Variants in SH3GL2 observed in about 807,000 individuals in gnomAD.
SH3GL2 encodes the protein SH3 domain containing GRB2 like 2, endophilin A1, also known as endophilin-A1.
In SH3GL2, 24 loss-of-function variants were observed where a neutral mutation model predicts 46.0. That is an observed-to-expected ratio of 0.52 (90% CI 0.38 to 0.73). SH3GL2 has a LOEUF of 0.73. SH3GL2 is among the 30% of genes least tolerant of loss of function. The pLI, the probability that SH3GL2 is intolerant of heterozygous loss-of-function variation, is 0.00. For missense variants in SH3GL2, 413 were observed against 424.2 expected (o/e 0.97, Z 0.23); for synonymous variants, 196 against 147.1 (o/e 1.33, Z -2.40).
intron 5 of SH3GL2, among the ~76,000 whole-genome samples, chr9:17,789,119 G>A (rs1027125601): frequency 6.6e-6 from 1 of 152,138 alleles, no homozygotes; most frequent in Non-Finnish European, 1.5e-5. Context: ...AGTCCAGCTT[G>A]GCTTTGGCCT....
chr9:17,756,206 A>G (rs1191184613), intron 2 of SH3GL2, among the ~76,000 whole-genome samples: 2 of 152,156 alleles, frequency 1.3e-5, no homozygotes, highest in Non-Finnish European at 2.9e-5. Context: ...GCAGTAAAAT[A>G]GTAGTCTCAT....
chr9:17,656,718 C>T (rs766964082), intron 1 of SH3GL2, among the ~76,000 whole-genome samples: 3 of 133,128 alleles, frequency 2.3e-5, no homozygotes, highest in Non-Finnish European at 4.6e-5. Context: ...TGTAGTGAGC[C>T]GAGTTAGTGC....
chr9:17,749,907 T>C (rs966149939), intron 2 of SH3GL2, among the ~76,000 whole-genome samples: 4 of 152,344 alleles, frequency 2.6e-5, no homozygotes, highest in East Asian at 1.9e-4. Context: ...TTTCAAAATA[T>C]AGATACTCCT....
intron 1 of SH3GL2, among the ~76,000 whole-genome samples, chr9:17,707,003 G>T (rs984512819): frequency 1.3e-5 from 2 of 151,974 alleles, no homozygotes; most frequent in Admixed American, 1.3e-4. Flanking sequence ...ATATGCACTT[G>T]ACATATAAAG....
At chr9:17,668,889 C>T (rs1820406026) in intron 1 of SH3GL2, among the ~76,000 whole-genome samples, 1 of 152,136 alleles carries the variant, frequency 6.6e-6, no homozygotes. Context: ...AACTCCTGGG[C>T]TCAAGCAGTA....
chr9:17,688,448 A>G (rs976304529), intron 1 of SH3GL2, among the ~76,000 whole-genome samples: 2 of 152,076 alleles, frequency 1.3e-5, no homozygotes. Context: ...TATAAGCAGG[A>G]GAAGACAAAC....
At chr9:17,772,142 C>A (rs1028321144) in intron 3 of SH3GL2, among the ~76,000 whole-genome samples, 2 of 152,050 alleles carry the variant, frequency 1.3e-5, no homozygotes, top group Non-Finnish European at 2.9e-5. Context: ...CCATAATATG[C>A]AATAATCACA....
intron 1 of SH3GL2, among the ~76,000 whole-genome samples, chr9:17,697,705 C>T (rs555502175): frequency 1.3e-5 from 2 of 152,268 alleles, no homozygotes; most frequent in African/African-American, 2.4e-5. Context: ...CATTGCCCCC[C>T]GAATAGCCTT....
At chr9:17,761,408 C>T (rs1823169206) in intron 2 of SH3GL2, 29 bp from the exon 3 acceptor site, 1 of 1,443,784 alleles carries the variant, frequency 6.9e-7, no homozygotes, top group Non-Finnish European at 9.8e-7. Flanking sequence ...TCATTTTTGT[C>T]ATTTAGAGCA....
intron 1 of SH3GL2, among the ~76,000 whole-genome samples, chr9:17,717,810 AT>A (rs11362217): frequency 0.57 from 87,041 of 151,896 alleles, 26,483 homozygotes; most frequent in African/African-American, 0.77. Flanking sequence ...GTTTGATATT[AT>A]TTAGTAGTAG....
intron 1 of SH3GL2, among the ~76,000 whole-genome samples, chr9:17,728,427 A>G (rs1162926634): frequency 1.3e-5 from 2 of 151,884 alleles, no homozygotes; most frequent in Non-Finnish European, 2.9e-5. Context: ...CTACTTACAG[A>G]TACTCTTCTG....
At chr9:17,629,979 G>A (rs138561320) in intron 1 of SH3GL2, among the ~76,000 whole-genome samples, 87 of 152,250 alleles carry the variant, frequency 5.7e-4, no homozygotes, top group African/African-American at 1.8e-3. Flanking sequence ...AAAGTGGCAC[G>A]TTTCTGGTTA....
chr9:17,763,824 G>T (rs1310385921), intron 3 of SH3GL2, among the ~76,000 whole-genome samples: 1 of 152,118 alleles, frequency 6.6e-6, no homozygotes, highest in African/African-American at 2.4e-5. Context: ...ACTCAGGTCT[G>T]ACTACCTCCT....
At chr9:17,582,968 G>A (rs1374185819) in intron 1 of SH3GL2, among the ~76,000 whole-genome samples, 1 of 152,148 alleles carries the variant, frequency 6.6e-6, no homozygotes, top group Non-Finnish European at 1.5e-5. Flanking sequence ...ATAGGATTGG[G>A]CAAGCCCATC....
At chr9:17,608,295 C>CCTT (rs1277550717) in intron 1 of SH3GL2, among the ~76,000 whole-genome samples, 7 of 151,878 alleles carry the variant, frequency 4.6e-5, no homozygotes, top group Non-Finnish European at 1.0e-4. Flanking sequence ...CTACAGGCGC[C>CCTT]CACCACCACA....
At chr9:17,605,040 A>T (rs1818738772) in intron 1 of SH3GL2, among the ~76,000 whole-genome samples, 1 of 149,348 alleles carries the variant, frequency 6.7e-6, no homozygotes, top group African/African-American at 2.5e-5. Context: ...GGGGACAGTC[A>T]TGGCTCACTG....
chr9:17,618,716 C>G (rs1296199679), intron 1 of SH3GL2, among the ~76,000 whole-genome samples: 1 of 152,088 alleles, frequency 6.6e-6, no homozygotes, highest in Non-Finnish European at 1.5e-5. Flanking sequence ...CTTGGAAACA[C>G]TTTGGTCCCC....
chr9:17,715,681 T>C (rs1821736329), intron 1 of SH3GL2, among the ~76,000 whole-genome samples: 1 of 151,966 alleles, frequency 6.6e-6, no homozygotes, highest in Admixed American at 6.6e-5. Flanking sequence ...TATGTGTATA[T>C]ATAAGCAGCT....
chr9:17,738,641 T>TATATATAGAGAG lies in SH3GL2; in HGVS notation c.46-8424_46-8423insTATATAGAGAGA, dbSNP rs376280314. On this transcript the variant is annotated intron_variant, in intron 1 of 8. Transcript: ENST00000380607. The stretch of plus-strand genomic sequence containing the variant: ...TCATGTGATTTTATATATATATATA[T>TATATATAGAGAG]AGAGAGAGAGAGAGAGAGAGAGAGA... Among the ~76,000 whole-genome samples, 875 of 88,836 alleles carry TATATATAGAGAG rather than the reference T, an allele frequency of 9.8e-3. 30 individuals carry two copies. The highest frequency in any genetic ancestry group is 0.02 in the East Asian group (50 of 2,450). 58.3% of individuals were successfully genotyped at this position (88,836 alleles called of 152,430 possible).
Sources: allele counts gnomAD v4.1 joint callset (sites outside exome capture counted in the v4.1 genomes callset), GRCh38; gene constraint gnomAD v4.1.1; transcripts MANE v1.5; gene names NCBI Gene and HGNC (gene_info 2026-07-23, HGNC 2026-07-21).